WWOX: variants seen among roughly 807,000 people sequenced by gnomAD.
WWOX encodes WW domain containing oxidoreductase, also known as WW domain-containing oxidoreductase.
WWOX carries 69 observed loss-of-function variants against 46.2 expected under a neutral mutation model. The observed-to-expected ratio is 1.49, with a 90% CI of 1.23 to 1.82. WWOX has a LOEUF of 1.82. Ranked by LOEUF, WWOX falls within the 40% of genes most tolerant of loss-of-function variation. The probability of loss-of-function intolerance (pLI) is 0.00; values close to 1 mark genes in which losing one functional copy is unlikely to be tolerated. For missense variants in WWOX, 919 were observed against 542.6 expected (o/e 1.69, Z -6.89); for synonymous variants, 359 against 202.6 (o/e 1.77, Z -6.56).
intron 5 of WWOX, among the ~76,000 whole-genome samples, chr16:78,311,787 T>TGG (rs779674455): frequency 6.6e-6 from 1 of 151,462 alleles, no homozygotes; most frequent in Non-Finnish European, 1.5e-5. Context: ...AAAAGCAGCC[T>TGG]GGCGGGGGGG....
chr16:78,382,056 A>C (rs886334269), intron 5 of WWOX, among the ~76,000 whole-genome samples: 2 of 152,178 alleles, frequency 1.3e-5, no homozygotes, highest in African/African-American at 4.8e-5. Flanking sequence ...TATGGCCCAT[A>C]TTCATATGTC....
intron 8 of WWOX, among the ~76,000 whole-genome samples, chr16:79,088,340 T>C (rs973471748): frequency 1.3e-5 from 2 of 152,156 alleles, no homozygotes; most frequent in Non-Finnish European, 1.5e-5. Context: ...GCAAAATCCA[T>C]GTAGCGGCAG....
chr16:78,490,132 A>AT (rs72580936), intron 8 of WWOX, among the ~76,000 whole-genome samples: 105 of 138,324 alleles, frequency 7.6e-4, no homozygotes, highest in African/African-American at 3.0e-3. Flanking sequence ...TTGGGGAAAA[A>AT]ATTTTTTTTT....
chr16:78,273,064 T>G (rs967293739), intron 5 of WWOX, among the ~76,000 whole-genome samples: 18 of 152,190 alleles, frequency 1.2e-4, no homozygotes, highest in Admixed American at 1.1e-3. Context: ...ATTCCTTCAT[T>G]TCCACTCTTC....
chr16:78,942,367 C>G (rs2045869114), intron 8 of WWOX, among the ~76,000 whole-genome samples: 1 of 152,086 alleles, frequency 6.6e-6, no homozygotes, highest in Admixed American at 6.6e-5. Flanking sequence ...CAGCCTACCC[C>G]TTGCATATTT....
At chr16:79,063,518 C>G (rs956655717) in intron 8 of WWOX, among the ~76,000 whole-genome samples, 4 of 152,174 alleles carry the variant, frequency 2.6e-5, no homozygotes, top group African/African-American at 9.6e-5. Context: ...CAAACAAAAG[C>G]CTGCAGTGTT....
chr16:78,978,601 T>C (rs775400784), intron 8 of WWOX, among the ~76,000 whole-genome samples: 2 of 152,120 alleles, frequency 1.3e-5, no homozygotes. Context: ...ACAGGAAGCA[T>C]AGAAGCTTCT....
intron 8 of WWOX, among the ~76,000 whole-genome samples, chr16:78,693,220 G>A (rs145529731): frequency 1.4e-3 from 215 of 152,238 alleles, no homozygotes; most frequent in South Asian, 9.8e-3. Flanking sequence ...ATTTCTGGCT[G>A]GGCATTGTTT....
At chr16:78,683,836 T>C (rs889290232) in intron 8 of WWOX, among the ~76,000 whole-genome samples, 1 of 152,166 alleles carries the variant, frequency 6.6e-6, no homozygotes, top group East Asian at 1.9e-4. Flanking sequence ...ATTTTCTGAG[T>C]GTTTAATTCG....
At chr16:78,907,407 C>T (rs1014464237) in intron 8 of WWOX, among the ~76,000 whole-genome samples, 9 of 152,200 alleles carry the variant, frequency 5.9e-5, no homozygotes, top group Admixed American at 2.6e-4. Flanking sequence ...GGCTGCTAAT[C>T]GTTTATGTCC....
chr16:78,592,649 G>A (rs530125243), intron 8 of WWOX, among the ~76,000 whole-genome samples: 1 of 152,298 alleles, frequency 6.6e-6, no homozygotes, highest in South Asian at 2.1e-4. Flanking sequence ...GGCAGGCCTG[G>A]ATCAGAGCCT....
intron 8 of WWOX, among the ~76,000 whole-genome samples, chr16:78,879,164 T>A (rs1003830263): frequency 1.3e-5 from 2 of 152,078 alleles, no homozygotes; most frequent in African/African-American, 4.8e-5. Flanking sequence ...AAATCGAAGT[T>A]GAGGGCAAGG....
chr16:78,805,588 C>G (rs954596061), intron 8 of WWOX, among the ~76,000 whole-genome samples: 1 of 152,112 alleles, frequency 6.6e-6, no homozygotes, highest in Admixed American at 6.5e-5. Flanking sequence ...CGGCCTACAG[C>G]ATAGATTTGA....
chr16:78,603,122 A>G (rs545088521), intron 8 of WWOX, among the ~76,000 whole-genome samples: 6 of 152,296 alleles, frequency 3.9e-5, no homozygotes, highest in African/African-American at 1.4e-4. Context: ...GTTGCTCTTA[A>G]GCCCCCACTC....
At chr16:78,906,750 C>T (rs565187723) in intron 8 of WWOX, among the ~76,000 whole-genome samples, 8 of 152,340 alleles carry the variant, frequency 5.3e-5, no homozygotes, top group Admixed American at 3.9e-4. Flanking sequence ...GTTCCTTTAA[C>T]TTGAAATTGT....
intron 8 of WWOX, among the ~76,000 whole-genome samples, chr16:78,441,106 C>A (rs2083435349): frequency 2.0e-5 from 3 of 152,154 alleles, no homozygotes; most frequent in Admixed American, 1.3e-4. Context: ...CCACGCACGG[C>A]TGATGTTTGT....
At chr16:78,160,296 C>T (rs981138497) in intron 4 of WWOX, among the ~76,000 whole-genome samples, 1 of 152,014 alleles carries the variant, frequency 6.6e-6, no homozygotes, top group South Asian at 2.1e-4. Context: ...CCACGCCCAA[C>T]TAATTTTTTG....
In WWOX at chr16:78,825,446, A is replaced by G. The variant is rs115174282; in HGVS notation, c.1057-386162A>G. 1,226 of 374,498 alleles carry G rather than the reference A, an allele frequency of 3.3e-3. 11 individuals are homozygous for G. The highest frequency in any genetic ancestry group is 0.024 in the African/African-American group (1,138 of 48,000). 23.2% of individuals were successfully genotyped at this position (374,498 alleles called of 1,614,324 possible). On this transcript the variant is annotated intron_variant, in intron 8 of 8. Transcript: ENST00000566780. ...ACAAATATCTTAGCCAACAGAACAA[A>G]AAATGTTCCTGGTGAGAACAGCCAG...
intron 8 of WWOX, among the ~76,000 whole-genome samples, chr16:79,121,427 C>T (rs539590015): frequency 2.0e-5 from 3 of 152,258 alleles, no homozygotes; most frequent in South Asian, 2.1e-4. Flanking sequence ...TTACTTATGG[C>T]CAGTAGATGG....
Sources: allele counts gnomAD v4.1 joint callset (sites outside exome capture counted in the v4.1 genomes callset), GRCh38; gene constraint gnomAD v4.1.1; transcripts MANE v1.5; gene names NCBI Gene and HGNC (gene_info 2026-07-23, HGNC 2026-07-21).